Variants in TCF7L2 observed in about 807,000 individuals in gnomAD.
TCF7L2 encodes transcription factor 7 like 2.
In TCF7L2, 23 loss-of-function variants were observed where a neutral mutation model predicts 77.9. That is an observed-to-expected ratio of 0.30 (90% CI 0.21 to 0.42). TCF7L2 has a LOEUF of 0.42. Ranked by LOEUF, TCF7L2 falls within the 10% of genes least tolerant of loss-of-function variation. The pLI is 1.00. For synonymous variants in TCF7L2, 413 were observed against 340.2 expected (o/e 1.21, Z -2.36); for missense variants, 654 against 793.1 (o/e 0.82, Z 2.11).
chr10:113,062,346 T>C (rs2056596427), intron 5 of TCF7L2, among the ~76,000 whole-genome samples: 1 of 152,180 alleles, frequency 6.6e-6, no homozygotes, highest in South Asian at 2.1e-4. Flanking sequence ...TTAGTTCTTG[T>C]CTCTTGCTTC....
At chr10:112,990,571 G>T (rs555832354) in intron 4 of TCF7L2, among the ~76,000 whole-genome samples, 364 of 152,076 alleles carry the variant, frequency 2.4e-3, no homozygotes, top group African/African-American at 8.3e-3. Context: ...GCTGGGCATG[G>T]TGGTGCATGC....
intron 4 of TCF7L2, among the ~76,000 whole-genome samples, chr10:112,966,812 G>A (rs2037030737): frequency 6.6e-6 from 1 of 152,194 alleles, no homozygotes; most frequent in Non-Finnish European, 1.5e-5. Flanking sequence ...AAATTACAGA[G>A]CTCATTGTTT....
chr10:113,089,364 G>A (rs1057418077), intron 5 of TCF7L2: 67 of 1,599,128 alleles, frequency 4.2e-5, no homozygotes, highest in African/African-American at 6.7e-5. Context: ...CCTCGCTCCC[G>A]AGCCTTACTC....
intron 3 of TCF7L2, among the ~76,000 whole-genome samples, chr10:112,952,518 G>C (rs1469410796): frequency 6.6e-6 from 1 of 152,190 alleles, no homozygotes; most frequent in Non-Finnish European, 1.5e-5. Context: ...ACTCCTCCAA[G>C]CGGACTTGTG....
At chr10:113,123,062 G>A (rs2065042956) in intron 5 of TCF7L2, among the ~76,000 whole-genome samples, 1 of 152,308 alleles carries the variant, frequency 6.6e-6, no homozygotes, top group Middle Eastern at 3.4e-3. Flanking sequence ...TCGGAGTTAG[G>A]ATCAAAGGCG....
At chr10:113,018,704 G>A (rs889081966) in intron 4 of TCF7L2, among the ~76,000 whole-genome samples, 1 of 152,108 alleles carries the variant, frequency 6.6e-6, no homozygotes, top group Non-Finnish European at 1.5e-5. Flanking sequence ...CTGACCTCGA[G>A]TGATCCGCCT....
At chr10:113,117,227 TA>T (rs2063838397) in intron 5 of TCF7L2, among the ~76,000 whole-genome samples, 1 of 152,184 alleles carries the variant, frequency 6.6e-6, no homozygotes, top group Non-Finnish European at 1.5e-5. Flanking sequence ...CATCCCTAAG[TA>T]TAACAAATTG....
At chr10:112,962,944 T>C (rs945360777) in intron 3 of TCF7L2, among the ~76,000 whole-genome samples, 5 of 152,142 alleles carry the variant, frequency 3.3e-5, no homozygotes, top group Non-Finnish European at 7.4e-5. Flanking sequence ...TGGGGGGCTG[T>C]GTGTGGGGGA....
chr10:113,143,339 G>C (rs1000217988), intron 6 of TCF7L2, among the ~76,000 whole-genome samples: 2 of 152,262 alleles, frequency 1.3e-5, no homozygotes, highest in Non-Finnish European at 2.9e-5. Flanking sequence ...TGTCTGTTCA[G>C]CTCTGACTCT....
At chr10:113,057,645 T>G (rs2055628221) in intron 5 of TCF7L2, among the ~76,000 whole-genome samples, 2 of 152,212 alleles carry the variant, frequency 1.3e-5, no homozygotes, top group Admixed American at 1.3e-4. Context: ...GTTGGCTACT[T>G]AACAGGATGT....
Position 112,973,578 on chromosome 10 carries a change from G to GTTA in TCF7L2, c.450+8956_450+8957insATT, listed in dbSNP as rs1554884647. Among the ~76,000 whole-genome samples the GTTA allele has an allele frequency of 8.6e-5, 13 of 151,908 alleles. No homozygotes were observed. The South Asian group carries it at 1.9e-3, about 22-fold the overall frequency. ...ACAACTATTGTAAGCCTTTTTTATTGTTTAATTTTAATTTTATTTATTTAT... is the reference window on the plus strand; with the variant it reads ...ACAACTATTGTAAGCCTTTTTTATTGTTATTTAATTTTAATTTTATTTATTTAT... On this transcript the variant is annotated intron_variant, in intron 4 of 13. Transcript: ENST00000627217.
chr10:113,121,715 C>T (rs144761779), intron 5 of TCF7L2, among the ~76,000 whole-genome samples: 39 of 152,032 alleles, frequency 2.6e-4, no homozygotes, highest in East Asian at 7.7e-4. Flanking sequence ...TGCACACGTA[C>T]GCACTTGCAC....
intron 13 of TCF7L2, 37 bp from the exon 15 acceptor site, chr10:113,165,518 C>T (rs1244654690): frequency 3.1e-6 from 5 of 1,599,428 alleles, no homozygotes; most frequent in Non-Finnish European, 4.3e-6. Context: ...GGCATCTGTG[C>T]CCTCTATTCA....
At chr10:112,967,196 C>T (rs1219505941) in intron 4 of TCF7L2, among the ~76,000 whole-genome samples, 1 of 152,220 alleles carries the variant, frequency 6.6e-6, no homozygotes, top group Non-Finnish European at 1.5e-5. Flanking sequence ...CATTCTCCAA[C>T]TTAAGACTAA....
intron 4 of TCF7L2, among the ~76,000 whole-genome samples, chr10:112,976,967 A>G (rs1261422567): frequency 8.8e-5 from 13 of 147,754 alleles, no homozygotes; most frequent in Non-Finnish European, 1.5e-4. Flanking sequence ...TTTTAAAAGC[A>G]ATATTACCTT....
At chr10:113,131,043 G>A (rs773640591) in intron 5 of TCF7L2, among the ~76,000 whole-genome samples, 1 of 152,176 alleles carries the variant, frequency 6.6e-6, no homozygotes, top group Non-Finnish European at 1.5e-5. Context: ...TGGGATTACA[G>A]GCGTGAGCCA....
chr10:113,065,796 G>A (rs2057167968), intron 5 of TCF7L2, among the ~76,000 whole-genome samples: 1 of 152,208 alleles, frequency 6.6e-6, no homozygotes, highest in Non-Finnish European at 1.5e-5. Context: ...GGAAAAAGAT[G>A]TTGTGAGGCT....
At chr10:113,058,817 A>G (rs1234274160) in intron 5 of TCF7L2, among the ~76,000 whole-genome samples, 2 of 152,176 alleles carry the variant, frequency 1.3e-5, no homozygotes, top group South Asian at 2.1e-4. Context: ...GCAGCAGGCC[A>G]GCGTTGCTGC....
intron 5 of TCF7L2, among the ~76,000 whole-genome samples, chr10:113,088,596 A>G (rs2060067698): frequency 6.6e-6 from 1 of 152,178 alleles, no homozygotes; most frequent in African/African-American, 2.4e-5. Context: ...GGGGTCCAGA[A>G]TTGGTAGTAT....
Sources: gnomAD v4.1 joint callset for allele counts (sites outside exome capture counted in the v4.1 genomes callset) on GRCh38, gnomAD v4.1.1 for gene constraint, MANE v1.5 for transcripts, NCBI Gene and HGNC (gene_info 2026-07-23, HGNC 2026-07-21) for gene names.